The following PRRC2C variants were observed in gnomAD, a reference collection of about 807,000 sequenced individuals.
PRRC2C encodes the protein proline rich coiled-coil 2C.
In PRRC2C, 72 loss-of-function variants were observed where a neutral mutation model predicts 317.2. The ratio of observed to expected loss-of-function variants is 0.23; its 90% confidence interval spans 0.19 to 0.28. The LOEUF (loss-of-function observed/expected upper bound fraction) is 0.28, where lower values mean the gene tolerates loss of function less well. Among genes scored for constraint, PRRC2C ranks in the 10% least tolerant of loss-of-function variants. The pLI is 1.00. For synonymous variants in PRRC2C, 1,296 were observed against 1,205.9 expected, an observed-to-expected ratio of 1.07 and a Z score of -1.55; for missense variants, 3,074 against 3,459.7, an observed-to-expected ratio of 0.89 and a Z score of 2.80.
intron 17 of PRRC2C, 99 bp from the exon 18 acceptor site, chr1:171,549,987 T>A: frequency 1.1e-6 from 1 of 884,048 alleles, no homozygotes; most frequent in South Asian, 2.6e-5. Flanking sequence ...GGCCTTTGGC[T>A]AGTTTTTTTT....
chr1:171,507,836 A>G (rs1268505084), intron 1 of PRRC2C, among the ~76,000 whole-genome samples: 1 of 152,142 alleles, frequency 6.6e-6, no homozygotes, highest in Non-Finnish European at 1.5e-5. Flanking sequence ...TCAATATTTT[A>G]TAGTTTTCAG....
intron 1 of PRRC2C, among the ~76,000 whole-genome samples, chr1:171,498,518 C>G (rs1411449725): frequency 6.6e-6 from 1 of 152,214 alleles, no homozygotes; most frequent in Non-Finnish European, 1.5e-5. Flanking sequence ...GGTTAAGTTT[C>G]AGCATGAAAT....
rs1649312954 is a variant in PRRC2C at position 171,584,091 on chromosome 1, A to G, written c.7545A>G (p.Thr2515=). Residue 2515 remains threonine, a synonymous_variant, in exon 29 of 35, where the codon ACA becomes ACG. Transcript: ENST00000647382. ...KAQSGLAFQQ[T]SNTQPIPILY... ...AATCCGGTCTTGCCTTTCAGCAAACATCAAATACTCAGCCCATTCCTATAT... is the reference window on the plus strand; with the variant it reads ...AATCCGGTCTTGCCTTTCAGCAAACGTCAAATACTCAGCCCATTCCTATAT... The G allele has an allele frequency of 6.2e-7, 1 of 1,614,010 alleles. No homozygotes were observed. Among genetic ancestry groups the G allele is most frequent in the South Asian group, 1.1e-5 (1 of 91,082 alleles).
intron 24 of PRRC2C, among the ~76,000 whole-genome samples, chr1:171,573,889 G>T (rs1572087521): frequency 1.3e-5 from 2 of 151,960 alleles, no homozygotes; most frequent in African/African-American, 4.8e-5. Flanking sequence ...ATGTTGGCCA[G>T]ACTGGTCTCG....
Position 171,524,980 on chromosome 1 carries a change from T to C in PRRC2C, c.1200+15T>C, listed in dbSNP as rs200731282. On this transcript the variant is annotated intron_variant, in intron 10 of 34. Coordinates refer to ENST00000647382, the MANE Select transcript of PRRC2C (RefSeq NM_001387844.1). ...CATTTAATCAGGTTTGTTGGACTCA[T>C]GGAGATCCTTGTTATTGCAAGGATC... 4 of 1,563,860 alleles carry C rather than the reference T, an allele frequency of 2.6e-6. No individual in the cohort carries two copies. Among genetic ancestry groups the C allele is most frequent in the South Asian group, 2.4e-5 (2 of 84,182 alleles).
chr1:171,577,458 C>G lies in PRRC2C; in HGVS notation c.6980C>G (p.Ser2327Cys), dbSNP rs773204894. The G allele has an allele frequency of 6.2e-7, 1 of 1,610,972 alleles. No individual in the cohort carries two copies. ...LSGAGTYTTS[S>C]LSTKSTTTSD... is the part of the protein sequence containing the mutation. ...GGAGCTGGTACATACACTACCTCTT[C>G]TTTGAGCACAAAATCTACAACCACA... The change falls in exon 26 of 35, where the codon TCT (serine) becomes TGT (cysteine). Residue 2327 changes from serine (S) to cysteine (C), a missense_variant. Ser to Cys is a moderately radical substitution (Grantham distance 112). Transcript: ENST00000647382.
intron 1 of PRRC2C, among the ~76,000 whole-genome samples, chr1:171,502,983 A>G (rs1669421402): frequency 6.6e-6 from 1 of 152,184 alleles, no homozygotes; most frequent in African/African-American, 2.4e-5. Flanking sequence ...TTGGCCTCCC[A>G]AAGTGCTGGG....
At position 171,540,650 on chromosome 1, in the gene PRRC2C, C is replaced by T. The variant is rs867099365; in HGVS notation, c.3184C>T (p.Pro1062Ser). ...PEKTEKKDLP[P>S]PPPPPQPPAP... ...AAAGACGGAAAAGAAGGATCTTCCT[C>T]CTCCCCCACCACCACCTCAGCCACC... Residue 1062 changes from proline (P) to serine (S), a missense_variant, in exon 16 of 35, where the codon CCT becomes TCT. Around this residue, in one of 11 missense-constraint regions of PRRC2C, gnomAD observed 1,320 missense variants for 1,395.7 expected, o/e 0.95. Transcript: ENST00000647382. The T allele has an allele frequency of 2.5e-6, 4 of 1,613,812 alleles. No homozygotes were observed. The Admixed American group carries it at 5.0e-5, about 20-fold the overall frequency.
chr1:171,541,028 A>G lies in PRRC2C; in HGVS notation c.3562A>G (p.Arg1188Gly), dbSNP rs1187778670. Reference protein sequence around the residue: ...ERDWFPDQGYRGRGRGEYYSR... With the variant: ...ERDWFPDQGYGGRGRGEYYSR... ...AGATTGGTTTCCAGATCAAGGATAC[A>G]GAGGTCGAGGCCGAGGTGAATATTA... Residue 1188 changes from arginine (R) to glycine (G), a missense_variant, in exon 16 of 35, where the codon AGA (arginine) becomes GGA (glycine). Physicochemically the swap from Arg to Gly is moderately radical, Grantham distance 125. Around this residue, in one of 11 missense-constraint regions of PRRC2C, gnomAD observed 1,320 missense variants for 1,395.7 expected, o/e 0.95. Transcript: ENST00000647382. The surrounding 1 kb of genome is among the most constrained non-coding windows in gnomAD (Gnocchi z 4.1). The G allele has an allele frequency of 6.2e-7, 1 of 1,613,574 alleles. No individual in the cohort carries two copies. The highest frequency in any genetic ancestry group is 1.7e-5 in the Admixed American group (1 of 59,914).
chr1:171,506,689 G>GTA (rs1485419289), intron 1 of PRRC2C, among the ~76,000 whole-genome samples: 1 of 134,466 alleles, frequency 7.4e-6, no homozygotes, highest in Non-Finnish European at 1.6e-5. Context: ...TTTTTTCTTT[G>GTA]TGTGTGTGTG....
In PRRC2C at chr1:171,553,111, G is replaced by A. The variant is rs1680626645; in HGVS notation, c.5127+2871G>A. The stretch of plus-strand genomic sequence containing the variant: ...GGCCCTGGACTTTTTTTGGTTGGTA[G>A]GCTGTTAATTATTGCCTCAATTTCA... On this transcript the variant is annotated intron_variant, in intron 18 of 34. Coordinates refer to ENST00000647382, the MANE Select transcript of PRRC2C (RefSeq NM_001387844.1). Among the ~76,000 whole-genome samples the A allele has an allele frequency of 3.3e-5, 5 of 152,190 alleles. No individual in the cohort carries two copies. In the South Asian group the frequency reaches 1.0e-3, roughly 32 times the overall value.
At chr1:171,502,725 A>G (rs1341850223) in intron 1 of PRRC2C, among the ~76,000 whole-genome samples, 1 of 152,094 alleles carries the variant, frequency 6.6e-6, no homozygotes, top group African/African-American at 2.4e-5. Context: ...CCTTAAAAGG[A>G]CGTTGATTGT....
intron 13 of PRRC2C, 43 bp downstream of exon 13, chr1:171,535,640 G>A (rs1676682319): frequency 6.3e-7 from 1 of 1,587,984 alleles, no homozygotes; most frequent in Non-Finnish European, 8.6e-7. Flanking sequence ...GATTGAAGTG[G>A]TTTATTATGC....
chr1:171,557,775 C>T lies in PRRC2C; in HGVS notation c.5663C>T (p.Pro1888Leu). 1 of 1,551,004 alleles carries T rather than the reference C, an allele frequency of 6.4e-7. No individual in the cohort carries two copies. The highest frequency in any genetic ancestry group is 2.4e-5 in the East Asian group (1 of 40,892). The change falls in exon 19 of 35, where the codon CCA (proline) becomes CTA (leucine). Residue 1888 changes from proline (P) to leucine (L), a missense_variant. Physicochemically the swap from Pro to Leu is moderately conservative, Grantham distance 98. This residue lies in a region of PRRC2C where 640 missense variants were observed against 676.1 expected (regional missense o/e 0.95). Transcript: ENST00000647382. ...PAPAASSPAA[P>L]VITAPTIPAS... ...CCAGCAGCCTCTTCCCCAGCTGCCC[C>T]AGTCATCACAGCACCAACTATCCCA...
chr1:171,548,169 A>G (rs112660527), intron 17 of PRRC2C, among the ~76,000 whole-genome samples: 47 of 151,680 alleles, frequency 3.1e-4, no homozygotes, highest in African/African-American at 1.1e-3. Flanking sequence ...GTTTTTTACC[A>G]TGTTAGCCAG....
rs560341256 is a variant in PRRC2C, at chr1:171,586,543, G to GTATTTTATTTTATTTTATTTTATTT, written c.7750-428_7750-404dup. Among the ~76,000 whole-genome samples, 401 of 132,254 alleles carry GTATTTTATTTTATTTTATTTTATTT rather than the reference G, an allele frequency of 3.0e-3. 6 individuals are homozygous for GTATTTTATTTTATTTTATTTTATTT. The highest frequency in any genetic ancestry group is 0.011 in the Middle Eastern group (3 of 280). The allele number at this position is 132,254 out of a possible 152,430, so 86.8% of individuals were successfully genotyped here. ...ATATTAGTAGATGGATGTGTTCTAT[G>GTATTTTATTTTATTTTATTTTATTT]TATTTTATTTTATTTTATTTTATTT... On this transcript the variant is annotated intron_variant, in intron 30 of 34. Transcript: ENST00000647382.
At position 171,559,540 on chromosome 1, in the gene PRRC2C, T is replaced by G. The variant is rs796888876; in HGVS notation, c.6031+1397T>G. Among the ~76,000 whole-genome samples, 105 of 123,702 alleles carry G rather than the reference T, an allele frequency of 8.5e-4. 1 individual carries two copies. The highest frequency in any genetic ancestry group is 2.9e-3 in the African/African-American group (93 of 32,440). 81.2% of individuals were successfully genotyped at this position (123,702 alleles called of 152,430 possible). A position where few individuals can be genotyped will look rare whatever the true frequency, so the allele number is the denominator to read the frequency against. ...TTTTTTTTTTTTTTTTTTTTTTTTT[T>G]GAGACAGTTTCACTCTTGTCACCTA... On this transcript the variant is annotated intron_variant, in intron 19 of 34. Transcript: ENST00000647382.
chr1:171,590,526 T>G (rs1651193231), intron 34 of PRRC2C, among the ~76,000 whole-genome samples: 1 of 152,234 alleles, frequency 6.6e-6, no homozygotes, highest in African/African-American at 2.4e-5. Flanking sequence ...ATAGTAATGC[T>G]TTACTCTGAA....
At chr1:171,521,388 T>C (rs1237404799) in intron 6 of PRRC2C, among the ~76,000 whole-genome samples, 1 of 152,212 alleles carries the variant, frequency 6.6e-6, no homozygotes, top group Non-Finnish European at 1.5e-5. Flanking sequence ...CTATCTTATG[T>C]CTTCTCTTAA....
Sources: allele counts gnomAD v4.1 joint callset (sites outside exome capture counted in the v4.1 genomes callset), GRCh38; gene constraint gnomAD v4.1.1; regional missense constraint gnomAD v4.1.1; non-coding constraint Gnocchi (gnomAD v3.1); transcripts MANE v1.5; gene names NCBI Gene and HGNC (gene_info 2026-07-23, HGNC 2026-07-21).